The following WDR43 variants were observed in gnomAD, a reference collection of about 807,000 sequenced individuals.
The protein encoded by WDR43 is WD repeat-containing protein 43.
Under a neutral mutation model 91.4 loss-of-function variants are expected in WDR43, and 13 were observed. That is an observed-to-expected ratio of 0.14 (90% CI 0.09 to 0.23). The LOEUF (loss-of-function observed/expected upper bound fraction) is 0.23, where lower values mean the gene tolerates loss of function less well. Ranked by LOEUF, WDR43 falls within the 10% of genes least tolerant of loss-of-function variation. The pLI is 1.00. For synonymous variants in WDR43, 331 were observed against 287.9 expected (o/e 1.15, Z -1.51); for missense variants, 780 against 809.4 (o/e 0.96, Z 0.44).
intron 1 of WDR43, among the ~76,000 whole-genome samples, chr2:28,899,382 A>T (rs1415891273): frequency 2.0e-5 from 3 of 152,166 alleles, no homozygotes; most frequent in African/African-American, 7.2e-5. Flanking sequence ...GGTGGGCCTT[A>T]AAGCATGGAT....
At chr2:28,924,442 T>C (rs934328544) in intron 7 of WDR43, among the ~76,000 whole-genome samples, 2 of 152,166 alleles carry the variant, frequency 1.3e-5, no homozygotes, top group East Asian at 3.8e-4. Flanking sequence ...AGGGAACTTA[T>C]TTATATCATG....
In WDR43 at chr2:28,925,200, C is replaced by T. The variant is rs551118873; in HGVS notation, c.1086+47C>T. On this transcript the variant is annotated intron_variant, in intron 8 of 17. Coordinates refer to ENST00000407426, the MANE Select transcript of WDR43 (RefSeq NM_015131.3). ...GTAAAGCAATATAGCATCCCTGTGT[C>T]CATGGAAGAGAGTGATTTTAAAAAT... 164 of 1,470,088 alleles carry T rather than the reference C, an allele frequency of 1.1e-4. 5 individuals are homozygous for T. The South Asian group carries it at 2.1e-3, about 19-fold the overall frequency. The allele number at this position is 1,470,088 out of a possible 1,614,324, so 91.1% of individuals were successfully genotyped here.
intron 2 of WDR43, among the ~76,000 whole-genome samples, chr2:28,905,956 C>G (rs929519707): frequency 6.6e-6 from 1 of 152,000 alleles, no homozygotes; most frequent in African/African-American, 2.4e-5. Flanking sequence ...ACCACGCCTG[C>G]CCTGTTTATC....
intron 2 of WDR43, among the ~76,000 whole-genome samples, chr2:28,905,456 T>C (rs6547889): frequency 0.91 from 137,921 of 152,212 alleles, 62,589 homozygotes; most frequent in Non-Finnish European, 0.93. Context: ...AAGCATTTAG[T>C]GTTTACCTGA....
At position 28,915,214 on chromosome 2, in the gene WDR43, A is replaced by C. The variant is rs537169202; in HGVS notation, c.746+1006A>C. Among the ~76,000 whole-genome samples, 8 of 152,342 alleles carry C rather than the reference A, an allele frequency of 5.3e-5. No individual in the cohort carries two copies. The South Asian group carries it at 1.5e-3, about 28-fold the overall frequency. ...GAAGTCAAAATGTGGGCCTCTGTTT[A>C]CCTTCAAAACCACCAGCAAAACCAT... is the stretch of plus-strand genomic sequence containing the variant. On this transcript the variant is annotated intron_variant, in intron 5 of 17. Transcript: ENST00000407426.
chr2:28,917,286 CAA>C (rs1670929526), intron 5 of WDR43, among the ~76,000 whole-genome samples: 1 of 152,088 alleles, frequency 6.6e-6, no homozygotes, highest in Non-Finnish European at 1.5e-5. Flanking sequence ...TAAAATTTTG[CAA>C]AAGATGACTT....
intron 14 of WDR43, 140 bp downstream of exon 14, chr2:28,938,134 GTT>G: frequency 1.1e-6 from 1 of 885,574 alleles, no homozygotes; most frequent in Non-Finnish European, 1.7e-6. Flanking sequence ...TAGAGATTTT[GTT>G]TTACCCCGGG....
chr2:28,936,447 A>G (rs775912554), intron 12 of WDR43, among the ~76,000 whole-genome samples: 2 of 152,196 alleles, frequency 1.3e-5, no homozygotes, highest in Non-Finnish European at 2.9e-5. Flanking sequence ...AAGGGTGGTC[A>G]TGTGTTTTTG....
intron 1 of WDR43, among the ~76,000 whole-genome samples, chr2:28,897,704 C>CT (rs1456210364): frequency 5.3e-5 from 8 of 152,178 alleles, no homozygotes; most frequent in Admixed American, 3.3e-4. Context: ...GTGATGATAA[C>CT]TCATCAATGG....
intron 3 of WDR43, among the ~76,000 whole-genome samples, chr2:28,908,248 A>G (rs7584370): frequency 0.67 from 102,512 of 151,996 alleles, 35,195 homozygotes; most frequent in East Asian, 0.85. Flanking sequence ...GTTTTTAGAC[A>G]AGTTGGCTTT....
chr2:28,924,237 A>G (rs1671087556), intron 7 of WDR43, among the ~76,000 whole-genome samples: 1 of 152,176 alleles, frequency 6.6e-6, no homozygotes, highest in Non-Finnish European at 1.5e-5. Context: ...GGAAACCACT[A>G]AGAAAGGAAT....
intron 3 of WDR43, among the ~76,000 whole-genome samples, chr2:28,912,259 A>G (rs6729601): frequency 0.67 from 102,537 of 151,982 alleles, 35,205 homozygotes; most frequent in East Asian, 0.85. Context: ...GGACATTCGC[A>G]AAGTTCATCT....
chr2:28,918,493 C>T (rs1416124153), intron 6 of WDR43, among the ~76,000 whole-genome samples: 1 of 152,044 alleles, frequency 6.6e-6, no homozygotes, highest in African/African-American at 2.4e-5. Flanking sequence ...CTCAGCCTCC[C>T]GAGTAGCTGG....
Position 28,894,805 on chromosome 2 carries a change from G to T in WDR43, c.107G>T (p.Gly36Val). ...TACTTCGCTTTGGCCTCTACCGACG[G>T]TCACTTACGAGTATGGGAGACGGCC... is the stretch of plus-strand genomic sequence containing the variant. ...QAYFALASTD[G>V]HLRVWETANN... Residue 36 changes from glycine to valine, a missense_variant, in exon 1 of 18, where the codon GGT (glycine) becomes GTT (valine). By Grantham distance (109) the Gly-to-Val change is moderately radical. Around this residue, in one of 4 missense-constraint regions of WDR43, gnomAD observed 175 missense variants for 113.8 expected, o/e 1.54. Coordinates refer to ENST00000407426, the MANE Select transcript of WDR43 (RefSeq NM_015131.3). The T allele has an allele frequency of 6.2e-7, 1 of 1,610,932 alleles. No homozygotes were observed. Among genetic ancestry groups the T allele is most frequent in the Non-Finnish European group, 8.5e-7 (1 of 1,178,674 alleles).
intron 16 of WDR43, among the ~76,000 whole-genome samples, chr2:28,944,006 A>G (rs927463695): frequency 4.6e-5 from 7 of 152,212 alleles, no homozygotes; most frequent in African/African-American, 7.2e-5. Context: ...CCCAGTGACC[A>G]ATACTTCTCC....
rs1670684987 is a variant in WDR43, at chr2:28,906,568, T to C, written c.472T>C (p.Cys158Arg). ...KHIVEWNVQTCKVKCKWKGDN... is the reference protein window; with the variant it reads ...KHIVEWNVQTRKVKCKWKGDN... ...TATTGTGGAATGGAACGTACAGACATGCAAAGTAAAGTGGTGAGTAACATT... is the reference window on the plus strand; with the variant it reads ...TATTGTGGAATGGAACGTACAGACACGCAAAGTAAAGTGGTGAGTAACATT... The change falls in exon 3 of 18, where the codon TGC becomes CGC. Residue 158 changes from cysteine to arginine, a missense_variant. Transcript: ENST00000407426. 9 of 1,611,842 alleles carry C rather than the reference T, an allele frequency of 5.6e-6. No homozygotes were observed. The East Asian group carries it at 2.0e-4, about 36-fold the overall frequency.
intron 1 of WDR43, among the ~76,000 whole-genome samples, chr2:28,900,551 A>C (rs1245705295): frequency 2.0e-5 from 3 of 152,146 alleles, no homozygotes; most frequent in Non-Finnish European, 4.4e-5. Context: ...TACTTCCCCC[A>C]ACTCTCCTTG....
At chr2:28,916,739 T>A (rs1348108197) in intron 5 of WDR43, among the ~76,000 whole-genome samples, 1 of 152,208 alleles carries the variant, frequency 6.6e-6, no homozygotes, top group East Asian at 1.9e-4. Context: ...ACATTACTCC[T>A]TGGGGAAATA....
At chr2:28,897,554 C>A (rs1670506823) in intron 1 of WDR43, among the ~76,000 whole-genome samples, 1 of 152,170 alleles carries the variant, frequency 6.6e-6, no homozygotes, top group South Asian at 2.1e-4. Context: ...TAATAAGTGG[C>A]TTAATAAATG....
Sources: gnomAD v4.1 joint callset for allele counts (sites outside exome capture counted in the v4.1 genomes callset) on GRCh38, gnomAD v4.1.1 for gene constraint, gnomAD v4.1.1 regional missense constraint, MANE v1.5 for transcripts, NCBI Gene and HGNC (gene_info 2026-07-23, HGNC 2026-07-21) for gene names.